PAFAH1B1: variants seen among roughly 807,000 people sequenced by gnomAD.
The protein encoded by PAFAH1B1 is platelet activating factor acetylhydrolase 1b regulatory subunit 1, also known as platelet-activating factor acetylhydrolase IB subunit beta.
PAFAH1B1 carries 2 observed loss-of-function variants against 57.5 expected under a neutral mutation model. The observed-to-expected ratio is 0.03, with a 90% CI of 0.01 to 0.11. The LOEUF (loss-of-function observed/expected upper bound fraction) is 0.11, where lower values mean the gene tolerates loss of function less well. Among genes scored for constraint, PAFAH1B1 ranks in the 10% least tolerant of loss-of-function variants. The pLI is 1.00. For synonymous variants in PAFAH1B1, 152 were observed against 169.6 expected, an observed-to-expected ratio of 0.90 and a Z score of 0.81; for missense variants, 257 against 512.0, an observed-to-expected ratio of 0.50 and a Z score of 4.81.
At chr17:2,664,127 T>C (rs1357694676) in intron 2 of PAFAH1B1, among the ~76,000 whole-genome samples, 2 of 152,240 alleles carry the variant, frequency 1.3e-5, no homozygotes, top group African/African-American at 4.8e-5. Flanking sequence ...CATAATTACC[T>C]GGAACATAAA....
chr17:2,648,398 C>T (rs142040674), intron 2 of PAFAH1B1, among the ~76,000 whole-genome samples: 157 of 152,156 alleles, frequency 1.0e-3, no homozygotes, highest in African/African-American at 3.6e-3. Flanking sequence ...AATTTATGGC[C>T]GGGCATGGTG....
chr17:2,652,471 A>G (rs1203353160), intron 2 of PAFAH1B1, among the ~76,000 whole-genome samples: 1 of 152,228 alleles, frequency 6.6e-6, no homozygotes, highest in Non-Finnish European at 1.5e-5. Flanking sequence ...TGACTGTGAT[A>G]TATTTTTAAG....
At chr17:2,662,374 C>T (rs1273820784) in intron 2 of PAFAH1B1, among the ~76,000 whole-genome samples, 1 of 113,636 alleles carries the variant, frequency 8.8e-6, no homozygotes. Context: ...TTTTTTTAAC[C>T]TCTTTGTGTG....
chr17:2,627,984 CTT>C (rs1472994928), intron 1 of PAFAH1B1, among the ~76,000 whole-genome samples: 1 of 152,164 alleles, frequency 6.6e-6, no homozygotes, highest in African/African-American at 2.4e-5. Context: ...TCTGAGGAGT[CTT>C]TAGGGTTTTC....
rs924279448 is a variant in PAFAH1B1, at chr17:2,615,534, G to A, written c.-191+21528G>A. 6.6e-5 allele frequency among the ~76,000 whole-genome samples: 10 copies of A among 152,006 alleles called. No homozygotes were observed. The South Asian group carries it at 2.1e-3, about 32-fold the overall frequency. On this transcript the variant is annotated intron_variant, in intron 1 of 10. Transcript: ENST00000397195. The stretch of plus-strand genomic sequence containing the variant: ...TGGCTCACTGCAACCTCTGCCGCCC[G>A]GGTTCAAGCGATTCTCCTGCCTTAG...
chr17:2,648,952 A>T (rs1185601880), intron 2 of PAFAH1B1, among the ~76,000 whole-genome samples: 1 of 152,094 alleles, frequency 6.6e-6, no homozygotes. Flanking sequence ...TCATGTAGTA[A>T]GGCAACAGAA....
intron 2 of PAFAH1B1, among the ~76,000 whole-genome samples, chr17:2,654,514 A>G (rs1313775429): frequency 6.6e-6 from 1 of 152,142 alleles, no homozygotes; most frequent in Admixed American, 6.5e-5. Context: ...GATGGAATCT[A>G]TAATCATATT....
chr17:2,614,014 A>G (rs567386592), intron 1 of PAFAH1B1: 1 of 120,842 alleles, frequency 8.3e-6, no homozygotes, highest in African/African-American at 3.4e-5. Context: ...TATTGTTTAT[A>G]TATTGGGTTT....
chr17:2,643,754 T>C (rs537204992), intron 2 of PAFAH1B1, among the ~76,000 whole-genome samples: 52 of 152,110 alleles, frequency 3.4e-4, no homozygotes, highest in African/African-American at 1.2e-3. Flanking sequence ...AGAGACAGGA[T>C]TTCACCATGT....
chr17:2,635,953 CAAAAAAAA>C (rs560825633), intron 1 of PAFAH1B1, among the ~76,000 whole-genome samples: 2 of 70,878 alleles, frequency 2.8e-5, no homozygotes, highest in African/African-American at 1.0e-4. Context: ...TAGAAAAATA[CAAAAAAAA>C]AAAAAAAAAA....
intron 1 of PAFAH1B1, among the ~76,000 whole-genome samples, chr17:2,623,268 T>G (rs934775231): frequency 1.9e-4 from 28 of 147,318 alleles, no homozygotes; most frequent in African/African-American, 6.5e-4. Flanking sequence ...TTTCTTTTTT[T>G]TTTTTTTTTT....
intron 2 of PAFAH1B1, chr17:2,659,361 A>C: frequency 4.2e-6 from 1 of 235,498 alleles, no homozygotes; most frequent in South Asian, 3.6e-5. Flanking sequence ...ATATGGTGAA[A>C]CCCCGTCTCT....
At chr17:2,659,374 TA>T in intron 2 of PAFAH1B1, 2 of 253,486 alleles carry the variant, frequency 7.9e-6, no homozygotes, top group Non-Finnish European at 8.1e-6. Flanking sequence ...CCGTCTCTGC[TA>T]AAAATGCAAA....
intron 2 of PAFAH1B1, among the ~76,000 whole-genome samples, chr17:2,639,107 C>T (rs923517165): frequency 8.6e-5 from 13 of 151,416 alleles, no homozygotes; most frequent in African/African-American, 3.2e-4. Flanking sequence ...ACCGTGTTAG[C>T]CAGGATGGTC....
chr17:2,631,088 A>G lies in PAFAH1B1; in HGVS notation c.-190-7011A>G, dbSNP rs188347843. ...AAACCTTGTCTCTACTAAAAATACA[A>G]AAATTAGCCAGGCGTGGTGGCGTGT... On this transcript the variant is annotated intron_variant, in intron 1 of 10. Coordinates refer to ENST00000397195, the MANE Select transcript of PAFAH1B1 (RefSeq NM_000430.4). Among the ~76,000 whole-genome samples, 3 of 152,186 alleles carry G rather than the reference A, an allele frequency of 2.0e-5. No homozygotes were observed. The East Asian group carries it at 5.8e-4, about 29-fold the overall frequency.
chr17:2,597,999 A>G (rs950368558), intron 1 of PAFAH1B1, among the ~76,000 whole-genome samples: 31 of 151,910 alleles, frequency 2.0e-4, no homozygotes, highest in Non-Finnish European at 1.5e-5. Flanking sequence ...ACACTCCCAG[A>G]ACTTTGGGAG....
chr17:2,611,753 G>A (rs1317578551), intron 1 of PAFAH1B1, among the ~76,000 whole-genome samples: 1 of 152,196 alleles, frequency 6.6e-6, no homozygotes, highest in South Asian at 2.1e-4. Flanking sequence ...GATGCCTACA[G>A]TAGTTGTTTA....
chr17:2,647,650 A>G (rs1003866118), intron 2 of PAFAH1B1, among the ~76,000 whole-genome samples: 2 of 152,324 alleles, frequency 1.3e-5, no homozygotes, highest in Middle Eastern at 3.4e-3. Flanking sequence ...CTCATTGCCA[A>G]ATGTATTCAT....
At chr17:2,669,818 T>C (rs1333157104) in intron 5 of PAFAH1B1, among the ~76,000 whole-genome samples, 1 of 152,142 alleles carries the variant, frequency 6.6e-6, no homozygotes, top group Non-Finnish European at 1.5e-5. Flanking sequence ...TTTCCTCTTA[T>C]TTCTTCCCCT....
Sources: allele counts gnomAD v4.1 joint callset (sites outside exome capture counted in the v4.1 genomes callset), GRCh38; gene constraint gnomAD v4.1.1; transcripts MANE v1.5; gene names NCBI Gene and HGNC (gene_info 2026-07-23, HGNC 2026-07-21).